OSBPL11: variants seen among roughly 807,000 people sequenced by gnomAD.
OSBPL11 encodes oxysterol binding protein like 11.
Under a neutral mutation model 84.4 loss-of-function variants are expected in OSBPL11, and 33 were observed. The ratio of observed to expected loss-of-function variants is 0.39; its 90% CI spans 0.30 to 0.52. The LOEUF (loss-of-function observed/expected upper bound fraction) is 0.52, where lower values mean the gene tolerates loss of function less well. OSBPL11 is among the 20% of genes least tolerant of loss of function. The probability of loss-of-function intolerance (pLI) is 0.72; values close to 1 mark genes in which losing one functional copy is unlikely to be tolerated. For missense variants in OSBPL11, 736 were observed against 901.1 expected (o/e 0.82, Z 2.35); for synonymous variants, 276 against 310.2 (o/e 0.89, Z 1.16).
chr3:125,545,517 A>T (rs1172807217), intron 10 of OSBPL11, among the ~76,000 whole-genome samples: 2 of 152,148 alleles, frequency 1.3e-5, no homozygotes. Context: ...AGTATCCTGG[A>T]TTATAATCTC....
At chr3:125,543,822 C>T (rs1273438198) in intron 10 of OSBPL11, among the ~76,000 whole-genome samples, 1 of 152,080 alleles carries the variant, frequency 6.6e-6, no homozygotes, top group East Asian at 1.9e-4. Context: ...ACAGCTTGAA[C>T]CTGGGAGGCG....
intron 12 of OSBPL11, among the ~76,000 whole-genome samples, chr3:125,530,802 C>T (rs1196035985): frequency 1.3e-5 from 2 of 151,992 alleles, no homozygotes; most frequent in Admixed American, 6.6e-5. Context: ...AGTTTGTGAC[C>T]CATGAACATT....
In OSBPL11 at chr3:125,532,146, G is replaced by C. The variant is rs1173145934; in HGVS notation, c.2025-132C>G. 3 of 872,912 alleles carry C rather than the reference G, an allele frequency of 3.4e-6. No homozygotes were observed. The African/African-American group carries it at 5.1e-5, about 15-fold the overall frequency. The allele number at this position is 872,912 out of a possible 1,614,324, so 54.1% of individuals were successfully genotyped here. A position where few individuals can be genotyped will look rare whatever the true frequency, so the allele number is the denominator to read the frequency against. On this transcript the variant is annotated intron_variant, in intron 11 of 12. Coordinates refer to ENST00000296220, the MANE Select transcript of OSBPL11 (RefSeq NM_022776.5). ...ATCACATCTACAATGTCATGCTTAT[G>C]AATTCCAAGAATAACGATACTGTGC...
intron 5 of OSBPL11, among the ~76,000 whole-genome samples, chr3:125,575,817 T>C (rs1159493748): frequency 6.6e-6 from 1 of 151,954 alleles, no homozygotes; most frequent in East Asian, 1.9e-4. Context: ...GATTACAGGC[T>C]TGAGCCATCA....
At chr3:125,551,965 G>T (rs1367485861) in intron 9 of OSBPL11, among the ~76,000 whole-genome samples, 2 of 151,806 alleles carry the variant, frequency 1.3e-5, no homozygotes, top group African/African-American at 4.8e-5. Context: ...TTTATCTGGG[G>T]TTCCTAAATT....
At position 125,580,055 on chromosome 3, in the gene OSBPL11, T is replaced by A. The variant is rs41265735; in HGVS notation, c.234-15A>T. On this transcript the variant is annotated splice_polypyrimidine_tract_variant and intron_variant, in intron 2 of 12. Coordinates refer to ENST00000296220, the MANE Select transcript of OSBPL11 (RefSeq NM_022776.5). ...AAACAAAAAACCTGTAATGATTTTT[T>A]AAAATCCATAATTTGTAAACATTTT... 2.8e-4 allele frequency: 451 copies of A among 1,596,866 alleles called. 1 individual carries two copies. Among genetic ancestry groups the A allele is most frequent in the South Asian group, 2.2e-3 (199 of 88,862 alleles).
intron 5 of OSBPL11, among the ~76,000 whole-genome samples, chr3:125,573,483 G>A (rs1406013533): frequency 6.6e-6 from 1 of 152,180 alleles, no homozygotes; most frequent in Non-Finnish European, 1.5e-5. Flanking sequence ...ATAAGAAAGA[G>A]TAAATAGGAA....
chr3:125,581,196 G>A (rs534932831), intron 2 of OSBPL11, among the ~76,000 whole-genome samples: 1 of 151,722 alleles, frequency 6.6e-6, no homozygotes, highest in Non-Finnish European at 1.5e-5. Context: ...AGGTTCAAGC[G>A]ATTCTCATGC....
Position 125,576,298 on chromosome 3 carries a change from C to T in OSBPL11, c.557G>A (p.Arg186Lys). 5.0e-6 allele frequency: 8 copies of T among 1,610,712 alleles called. No homozygotes were observed. The highest frequency in any genetic ancestry group is 6.8e-6 in the Non-Finnish European group (8 of 1,178,982). The change falls in exon 5 of 13, where the codon AGG becomes AAG. Residue 186 changes from arginine (R) to lysine (K), a missense_variant. Physicochemically the swap from Arg to Lys is conservative, Grantham distance 26. Around this residue, in one of 3 missense-constraint regions of OSBPL11, gnomAD observed 579 missense variants for 717.6 expected, o/e 0.81. Coordinates refer to ENST00000296220, the MANE Select transcript of OSBPL11 (RefSeq NM_022776.5). ...AGAAATGGCATTTTGACTTGGTCTC[C>T]TCTGCGATATAGGAGAATTACTACT... The part of the protein sequence containing the change: ...ASSSNSPISQ[R>K]RPSQNAISFF...
rs181340314 is a variant in OSBPL11 at position 125,573,027 on chromosome 3, A to G, written c.666+3162T>C. Reference sequence around the variant, plus strand: ...GTATATATAGTGTGTGTGTGTGTGTATATATATATAACTTGCAGTCTGCTT... The same window carrying G: ...GTATATATAGTGTGTGTGTGTGTGTGTATATATATAACTTGCAGTCTGCTT... On this transcript the variant is annotated intron_variant, in intron 5 of 12. Coordinates refer to ENST00000296220, the MANE Select transcript of OSBPL11 (RefSeq NM_022776.5). Among the ~76,000 whole-genome samples, 313 of 148,942 alleles carry G rather than the reference A, an allele frequency of 2.1e-3. 1 individual carries two copies. The East Asian group carries it at 0.033, about 16-fold the overall frequency.
chr3:125,546,122 TAAA>T (rs769745638), intron 10 of OSBPL11, among the ~76,000 whole-genome samples: 3 of 134,210 alleles, frequency 2.2e-5, no homozygotes, highest in Admixed American at 7.5e-5. Context: ...TCCTGTCTCT[TAAA>T]AAAAAAAAAA....
chr3:125,586,638 G>A (rs921173067), intron 1 of OSBPL11, among the ~76,000 whole-genome samples: 1 of 151,500 alleles, frequency 6.6e-6, no homozygotes, highest in African/African-American at 2.4e-5. Context: ...TCAGCCTCCC[G>A]AGTAGCTGGG....
intron 9 of OSBPL11, 96 bp downstream of exon 9, chr3:125,552,085 T>C (rs576814146): frequency 1.4e-6 from 1 of 736,382 alleles, no homozygotes; most frequent in East Asian, 4.1e-5. Context: ...TAAAGCCTTT[T>C]AAAGTAAACT....
rs142399433 is a variant in OSBPL11 at position 125,589,094 on chromosome 3, A to T, written c.164+5543T>A. ...CCGGGTGCGGTGGCTCACGCCTGTA[A>T]TCCCAGTACTTTAAGAGGCCTAGGC... On this transcript the variant is annotated intron_variant, in intron 1 of 12. Coordinates refer to ENST00000296220, the MANE Select transcript of OSBPL11 (RefSeq NM_022776.5). 3.5e-3 allele frequency among the ~76,000 whole-genome samples: 535 copies of T among 152,276 alleles called. 3 individuals carry two copies. Among genetic ancestry groups the T allele is most frequent in the African/African-American group, 0.012 (479 of 41,562 alleles).
intron 5 of OSBPL11, among the ~76,000 whole-genome samples, chr3:125,575,373 T>C (rs1029055575): frequency 2.0e-5 from 3 of 151,998 alleles, no homozygotes; most frequent in Admixed American, 2.0e-4. Context: ...ATATCAGTTA[T>C]ATATATAAAA....
intron 10 of OSBPL11, among the ~76,000 whole-genome samples, chr3:125,545,270 G>A (rs764253574): frequency 3.3e-5 from 5 of 152,158 alleles, no homozygotes; most frequent in Non-Finnish European, 7.4e-5. Context: ...TGTCTATCTC[G>A]AAAAAGTGAT....
chr3:125,576,078 G>A, intron 5 of OSBPL11, 111 bp downstream of exon 5: 1 of 922,568 alleles, frequency 1.1e-6, no homozygotes, highest in East Asian at 2.6e-5. Context: ...ATACTAGATA[G>A]GAAACAATGA....
At chr3:125,573,075 G>C (rs1389264064) in intron 5 of OSBPL11, among the ~76,000 whole-genome samples, 1 of 150,530 alleles carries the variant, frequency 6.6e-6, no homozygotes. Context: ...TATAATTATA[G>C]CATAAATGTT....
chr3:125,541,957 C>T (rs16836852), intron 10 of OSBPL11, among the ~76,000 whole-genome samples: 11,360 of 152,248 alleles, frequency 0.075, 747 homozygotes, highest in African/African-American at 0.18. Flanking sequence ...TCCGGTTCTT[C>T]CCAATACTTC....
Sources: gnomAD v4.1 joint callset for allele counts (sites outside exome capture counted in the v4.1 genomes callset) on GRCh38, gnomAD v4.1.1 for gene constraint, gnomAD v4.1.1 regional missense constraint, MANE v1.5 for transcripts, NCBI Gene and HGNC (gene_info 2026-07-23, HGNC 2026-07-21) for gene names.